CAMK2D: variants seen among roughly 807,000 people sequenced by gnomAD.
CAMK2D encodes calcium/calmodulin dependent protein kinase II delta.
CAMK2D carries 37 observed loss-of-function variants against 84.0 expected under a neutral mutation model. The observed-to-expected ratio is 0.44, with a 90% CI of 0.34 to 0.58. The LOEUF (loss-of-function observed/expected upper bound fraction) is 0.58. Among genes scored for constraint, CAMK2D ranks in the 20% least tolerant of loss-of-function variants. CAMK2D has a pLI of 0.02. For missense variants in CAMK2D, 448 were observed against 652.5 expected (o/e 0.69, Z 3.41); for synonymous variants, 202 against 212.5 (o/e 0.95, Z 0.43).
intron 16 of CAMK2D, among the ~76,000 whole-genome samples, chr4:113,497,115 G>T (rs2097945739): frequency 6.9e-6 from 1 of 145,112 alleles, no homozygotes; most frequent in South Asian, 2.2e-4. Context: ...GTTTCACTGA[G>T]TTTTTTTTTT....
intron 2 of CAMK2D, among the ~76,000 whole-genome samples, chr4:113,669,984 A>T (rs1308352594): frequency 2.0e-5 from 3 of 152,170 alleles, no homozygotes; most frequent in Non-Finnish European, 4.4e-5. Context: ...CAACAGTACC[A>T]TTTAAAACTA....
At position 113,455,820 on chromosome 4, in the gene CAMK2D, GC is replaced by G; in HGVS notation, c.1536del (p.Lys512AsnfsTer25). The G allele has an allele frequency of 6.2e-7, 1 of 1,601,820 alleles. No individual in the cohort carries two copies. The highest frequency in any genetic ancestry group is 8.6e-7 in the Non-Finnish European group (1 of 1,169,206). ...HRSGSPTVPI[K>X]PPCIPNGKEN... Reference sequence around the variant, plus strand: ...TCTTTCCCATTTGGAATACAGGGTGGCCTATTAAGAGAAGCCCCATTTAAGC... The same window carrying G: ...TCTTTCCCATTTGGAATACAGGGTGGCTATTAAGAGAAGCCCCATTTAAGC... On this transcript the variant is annotated frameshift_variant and splice_region_variant, in exon 20 of 21. Coordinates refer to ENST00000511664, the MANE Select transcript of CAMK2D (RefSeq NM_001321571.2). LOFTEE classifies it high-confidence loss of function.
intron 2 of CAMK2D, among the ~76,000 whole-genome samples, chr4:113,685,164 C>T (rs553159247): frequency 6.6e-6 from 1 of 152,230 alleles, no homozygotes; most frequent in South Asian, 2.1e-4. Flanking sequence ...TTTCTAAGAC[C>T]ACCATCATGT....
chr4:113,509,076 AT>A (rs1408359301), intron 13 of CAMK2D, among the ~76,000 whole-genome samples: 3 of 152,068 alleles, frequency 2.0e-5, no homozygotes, highest in Admixed American at 6.6e-5. Flanking sequence ...TCCTGCTGTT[AT>A]TTTTCTTGCA....
intron 16 of CAMK2D, among the ~76,000 whole-genome samples, chr4:113,497,628 C>G: frequency 6.6e-6 from 1 of 152,326 alleles, no homozygotes; most frequent in Admixed American, 6.5e-5. Flanking sequence ...CGGGTTACCA[C>G]AGTGTTTAAT....
chr4:113,691,582 G>A (rs951136353), intron 2 of CAMK2D, among the ~76,000 whole-genome samples: 3 of 151,928 alleles, frequency 2.0e-5, no homozygotes, highest in South Asian at 2.1e-4. Context: ...GTAAAACACC[G>A]TCTCTATGAA....
At chr4:113,619,327 C>A (rs755737498) in intron 3 of CAMK2D, among the ~76,000 whole-genome samples, 19 of 152,132 alleles carry the variant, frequency 1.2e-4, no homozygotes, top group Non-Finnish European at 2.6e-4. Context: ...TGTTTCTACC[C>A]TGCCCTCTCA....
chr4:113,550,957 G>A (rs1288381207), intron 5 of CAMK2D, among the ~76,000 whole-genome samples: 1 of 152,058 alleles, frequency 6.6e-6, no homozygotes, highest in Non-Finnish European at 1.5e-5. Flanking sequence ...GTGTGCCTCT[G>A]AGGGCAAGGA....
At chr4:113,474,472 A>C (rs957560685) in intron 16 of CAMK2D, among the ~76,000 whole-genome samples, 1 of 147,952 alleles carries the variant, frequency 6.8e-6, no homozygotes, top group South Asian at 2.1e-4. Flanking sequence ...ATAAAGTTTT[A>C]AAATATTTGG....
intron 2 of CAMK2D, among the ~76,000 whole-genome samples, chr4:113,673,476 C>T (rs991918121): frequency 6.6e-6 from 1 of 152,176 alleles, no homozygotes; most frequent in Non-Finnish European, 1.5e-5. Flanking sequence ...GGTGTAAAGC[C>T]AGAAACCCAG....
chr4:113,618,520 C>T (rs2099031153), intron 3 of CAMK2D, among the ~76,000 whole-genome samples: 1 of 152,042 alleles, frequency 6.6e-6, no homozygotes, highest in African/African-American at 2.4e-5. Context: ...TGCATTTTTC[C>T]AAAGTTGATA....
At position 113,457,265 on chromosome 4, in the gene CAMK2D, C is replaced by T. The variant is rs1011127024; in HGVS notation, c.1535+70G>A. ...TAAATAACATATACCATGCTATTAA[C>T]AATGGAATAAGTAGAAGGAGCTGAC... is the stretch of plus-strand genomic sequence containing the variant. On this transcript the variant is annotated intron_variant, in intron 19 of 20. Transcript: ENST00000511664. The T allele has an allele frequency of 8.2e-6, 13 of 1,580,898 alleles. No individual in the cohort carries two copies. The Admixed American group carries it at 2.3e-4, about 28-fold the overall frequency.
intron 18 of CAMK2D, among the ~76,000 whole-genome samples, chr4:113,459,569 T>G (rs1284571310): frequency 6.6e-6 from 1 of 152,152 alleles, no homozygotes; most frequent in Non-Finnish European, 1.5e-5. Flanking sequence ...ATAACATTTT[T>G]TGTAACTGCT....
At chr4:113,514,756 G>A (rs1223983041) in intron 10 of CAMK2D, among the ~76,000 whole-genome samples, 1 of 152,018 alleles carries the variant, frequency 6.6e-6, no homozygotes, top group East Asian at 1.9e-4. Flanking sequence ...TTTCTTCTGG[G>A]ACACATTTAA....
At chr4:113,720,593 A>G (rs2099527662) in intron 2 of CAMK2D, among the ~76,000 whole-genome samples, 1 of 152,046 alleles carries the variant, frequency 6.6e-6, no homozygotes, top group African/African-American at 2.4e-5. Context: ...AAAAGCTAAT[A>G]TCAAATTAAC....
At chr4:113,508,378 A>AATAT in intron 13 of CAMK2D, 1 of 755,092 alleles carries the variant, frequency 1.3e-6, no homozygotes, top group Non-Finnish European at 2.3e-6. Flanking sequence ...GAGGAGCTAT[A>AATAT]AGTTGAATGG....
chr4:113,566,577 C>A (rs1407899267), intron 4 of CAMK2D, among the ~76,000 whole-genome samples: 1 of 152,180 alleles, frequency 6.6e-6, no homozygotes, highest in Non-Finnish European at 1.5e-5. Flanking sequence ...CTCTTTCTGG[C>A]CTACAAGGCC....
intron 4 of CAMK2D, among the ~76,000 whole-genome samples, chr4:113,552,473 T>C (rs1448615081): frequency 6.6e-6 from 1 of 152,064 alleles, no homozygotes. Flanking sequence ...TGAGTATGAG[T>C]TTCCATGTAT....
chr4:113,536,108 T>C (rs1020224584), intron 7 of CAMK2D, among the ~76,000 whole-genome samples: 1 of 152,224 alleles, frequency 6.6e-6, no homozygotes, highest in African/African-American at 2.4e-5. Context: ...TTCGTTCAGT[T>C]TGCAGTTAAT....
Sources: gnomAD v4.1 joint callset for allele counts (sites outside exome capture counted in the v4.1 genomes callset) on GRCh38, gnomAD v4.1.1 for gene constraint, MANE v1.5 for transcripts, NCBI Gene and HGNC (gene_info 2026-07-23, HGNC 2026-07-21) for gene names.